Variants in RPS7 observed in about 807,000 individuals in gnomAD.
RPS7 encodes the protein ribosomal protein S7, also known as small ribosomal subunit protein eS7.
A neutral mutation model predicts 22.1 loss-of-function variants in RPS7; 1 was observed. The ratio of observed to expected loss-of-function variants is 0.05; its 90% CI spans 0.02 to 0.21. RPS7 has a LOEUF of 0.21. Among genes scored for constraint, RPS7 ranks in the 10% least tolerant of loss-of-function variants. The pLI, the probability that RPS7 is intolerant of heterozygous loss-of-function variation, is 1.00. For synonymous variants in RPS7, 80 were observed against 92.0 expected (o/e 0.87, Z 0.74); for missense variants, 137 against 246.4 (o/e 0.56, Z 2.97).
At chr2:3,576,697 T>C (rs781733786) in intron 4 of RPS7, 67 bp downstream of exon 4, 2 of 1,521,658 alleles carry the variant, frequency 1.3e-6, no homozygotes, top group Non-Finnish European at 1.8e-6. Context: ...GTATTTAGAC[T>C]GCATTGGTAG....
rs2071639 is a variant in RPS7, at chr2:3,580,793, C to G, written c.508-12C>G. On this transcript the variant is annotated splice_polypyrimidine_tract_variant and intron_variant, in intron 6 of 6. Coordinates refer to ENST00000645674, the MANE Select transcript of RPS7 (RefSeq NM_001011.4). ...TTCAAAGTTCTGTGATGAATTCTTT[C>G]TTTTCTTGTAGGTTGAAACTTTTTC... 9 of 1,541,938 alleles carry G rather than the reference C, an allele frequency of 5.8e-6. No individual in the cohort carries two copies. The Admixed American group carries it at 1.0e-4, about 17-fold the overall frequency.
intron 3 of RPS7, chr2:3,576,103 G>C (rs1476233924): frequency 1.6e-6 from 1 of 616,842 alleles, no homozygotes; most frequent in African/African-American, 1.8e-5. Context: ...ACATGCGGGC[G>C]GTGGAGAAAC....
At chr2:3,579,928 T>G (rs928436665) in intron 5 of RPS7, 182 bp from the exon 6 acceptor site, 8 of 661,858 alleles carry the variant, frequency 1.2e-5, no homozygotes, top group African/African-American at 5.4e-5. Flanking sequence ...ATTACCCTAT[T>G]CTAGGTAGGC....
chr2:3,578,179 A>C (rs1661328569), intron 5 of RPS7: 1 of 173,980 alleles, frequency 5.7e-6, no homozygotes, highest in African/African-American at 2.4e-5. Flanking sequence ...TGATAACATC[A>C]CAGGTTAAAA....
chr2:3,577,731 A>C lies in RPS7; in HGVS notation c.313A>C (p.Thr105Pro). ...ACAGAGGAGAATTCTGCCTAAGCCA[A>C]CTCGAAAAAGCCGTACAAAAAATAA... ...IAQRRILPKP[T>P]RKSRTKNKQK... The change falls in exon 5 of 7, where the codon ACT becomes CCT. Residue 105 changes from threonine to proline, a missense_variant. Physicochemically the swap from Thr to Pro is conservative, Grantham distance 38. Coordinates refer to ENST00000645674, the MANE Select transcript of RPS7 (RefSeq NM_001011.4). 6.2e-7 allele frequency: 1 copy of C among 1,613,032 alleles called. No individual in the cohort carries two copies. The highest frequency in any genetic ancestry group is 1.1e-5 in the South Asian group (1 of 91,010).
At chr2:3,575,419 G>T (rs1261692153) in intron 1 of RPS7, 69 bp downstream of exon 1, 1 of 605,778 alleles carries the variant, frequency 1.7e-6, no homozygotes, top group African/African-American at 1.9e-5. Flanking sequence ...TTTGGAGTCA[G>T]GCCCTGGAGG....
chr2:3,578,934 G>T (rs1225669254), intron 5 of RPS7: 1 of 152,224 alleles, frequency 6.6e-6, no homozygotes, highest in Non-Finnish European at 1.5e-5. Flanking sequence ...AGCCTAGCTG[G>T]TAGGTCATAG....
At chr2:3,578,318 C>T (rs1469038978) in intron 5 of RPS7, 2 of 155,144 alleles carry the variant, frequency 1.3e-5, no homozygotes, top group Non-Finnish European at 2.9e-5. Flanking sequence ...TTGTTAGTCT[C>T]TGATTAGTAT....
Position 3,575,635 on chromosome 2 carries a change from T to A in RPS7, c.26T>A (p.Val9Glu). The change falls in exon 2 of 7, where the codon GTG becomes GAG. Residue 9 changes from valine to glutamate, a missense_variant. Val to Glu is a moderately radical substitution (Grantham distance 121). Transcript: ENST00000645674. The part of the protein sequence containing the change: MFSSSAKI[V>E]KPNGEKPDEF... ...ATGTTCAGTTCGAGCGCCAAGATCG[T>A]GAAGCCCAATGGCGAGAAGCCGGAC... The A allele has an allele frequency of 6.2e-7, 1 of 1,611,240 alleles. No individual in the cohort carries two copies. Among genetic ancestry groups the A allele is most frequent in the Non-Finnish European group, 8.5e-7 (1 of 1,179,538 alleles).
At position 3,577,458 on chromosome 2, in the gene RPS7, A is replaced by G. The variant is rs912879701; in HGVS notation, c.292-252A>G. ...TATTCTGGGTCATAGGCATGGGGAAAGGCGTATCTGGGAGATTTTGTCCAC... is the reference window on the plus strand; with the variant it reads ...TATTCTGGGTCATAGGCATGGGGAAGGGCGTATCTGGGAGATTTTGTCCAC... On this transcript the variant is annotated intron_variant, in intron 4 of 6. Transcript: ENST00000645674. 2.1e-5 allele frequency: 11 copies of G among 535,078 alleles called. 1 individual carries two copies. The highest frequency in any genetic ancestry group is 5.0e-4 in the Middle Eastern group (1 of 1,982). The allele number at this position is 535,078 out of a possible 1,614,324, so 33.1% of individuals were successfully genotyped here.
rs1661316583 is a variant in RPS7 at position 3,577,764 on chromosome 2, C to T, written c.346C>T (p.Arg116Cys). ...AAGCCGTACAAAAAATAAGCAAAAG[C>T]GTCCCAGGAGGTGAGTATTTTAGTA... ...RKSRTKNKQK[R>C]PRSRTLTAVH... The change falls in exon 5 of 7, where the codon CGT (arginine) becomes TGT (cysteine). Residue 116 changes from arginine (R) to cysteine (C), a missense_variant. Around this residue, in one of 2 missense-constraint regions of RPS7, gnomAD observed 74 missense variants for 171.4 expected, o/e 0.43. Transcript: ENST00000645674. 1.9e-6 allele frequency: 3 copies of T among 1,609,816 alleles called. No homozygotes were observed. Among genetic ancestry groups the T allele is most frequent in the Non-Finnish European group, 2.6e-6 (3 of 1,176,182 alleles).
chr2:3,580,605 C>T (rs1661383635), intron 6 of RPS7, 200 bp from the exon 7 acceptor site: 2 of 624,400 alleles, frequency 3.2e-6, no homozygotes, highest in South Asian at 1.9e-5. Flanking sequence ...CTGATGGCTT[C>T]CCCGGTGCAG....
intron 5 of RPS7, chr2:3,579,780 C>T (rs1661359105): frequency 2.5e-6 from 1 of 408,014 alleles, no homozygotes; most frequent in African/African-American, 2.0e-5. Flanking sequence ...AGAAATAATA[C>T]AAGTGAAAAT....
intron 6 of RPS7, 30 bp from the exon 7 acceptor site, chr2:3,580,775 T>C: frequency 1.4e-6 from 2 of 1,386,144 alleles, no homozygotes; most frequent in Non-Finnish European, 2.1e-6. Flanking sequence ...TATTTCAAAG[T>C]TCTGTGATGA....
chr2:3,580,657 C>A (rs1057034808), intron 6 of RPS7, 148 bp from the exon 7 acceptor site: 5 of 680,270 alleles, frequency 7.4e-6, no homozygotes, highest in Admixed American at 6.4e-5. Context: ...AAGAGCTTGT[C>A]CCCGGTCGTG....
At chr2:3,577,019 CTTACATAG>C in intron 4 of RPS7, 1 of 296,962 alleles carries the variant, frequency 3.4e-6, no homozygotes, top group Non-Finnish European at 6.5e-6. Context: ...TAGTGGGTTG[CTTACATAG>C]ATGATCAAAC....
rs61730448 is a variant in RPS7, at chr2:3,576,615, C to T, written c.276C>T (p.Val92=). Residue 92 remains valine (V), a synonymous_variant, in exon 4 of 7, where the codon GTC becomes GTT. Coordinates refer to ENST00000645674, the MANE Select transcript of RPS7 (RefSeq NM_001011.4). ...AGAAAAAGTTCAGTGGGAAGCATGTCGTCTTTATCGCTCAGGTATCTGTTC... is the reference window on the plus strand; with the variant it reads ...AGAAAAAGTTCAGTGGGAAGCATGTTGTCTTTATCGCTCAGGTATCTGTTC... ...ELEKKFSGKH[V]VFIAQRRILP... 1.9e-6 allele frequency: 3 copies of T among 1,614,032 alleles called. No homozygotes were observed. Among genetic ancestry groups the T allele is most frequent in the Non-Finnish European group, 2.5e-6 (3 of 1,180,012 alleles).
At chr2:3,577,488 G>A (rs963466753) in intron 4 of RPS7, 13 of 573,616 alleles carry the variant, frequency 2.3e-5, no homozygotes, top group African/African-American at 1.9e-4. Context: ...GTCCACTGGC[G>A]TATTAGTAGA....
In RPS7 at chr2:3,575,846, C is replaced by T. The variant is rs1186234973; in HGVS notation, c.105C>T (p.Asp35=). The change falls in exon 3 of 7, where the codon GAC becomes GAT. Residue 35 remains aspartate, a synonymous_variant. Coordinates refer to ENST00000645674, the MANE Select transcript of RPS7 (RefSeq NM_001011.4). ...TTCTGGAGCTGGAGATGAACTCGGACCTCAAGGCTCAGCTCAGGGAGCTGA... is the reference window on the plus strand; with the variant it reads ...TTCTGGAGCTGGAGATGAACTCGGATCTCAAGGCTCAGCTCAGGGAGCTGA... ...QALLELEMNS[D]LKAQLRELNI... 71 of 1,611,918 alleles carry T rather than the reference C, an allele frequency of 4.4e-5. No individual in the cohort carries two copies. The highest frequency in any genetic ancestry group is 5.9e-5 in the Non-Finnish European group (70 of 1,179,748).
Sources: allele counts gnomAD v4.1 joint callset, GRCh38; gene constraint gnomAD v4.1.1; regional missense constraint gnomAD v4.1.1; transcripts MANE v1.5; gene names NCBI Gene and HGNC (gene_info 2026-07-23, HGNC 2026-07-21).